The following CALN1 variants were observed in gnomAD, a reference collection of about 807,000 sequenced individuals.
CALN1 encodes the protein calcium-binding protein 8.
In CALN1, 17 loss-of-function variants were observed where a neutral mutation model predicts 30.6. The observed-to-expected ratio is 0.56, with a 90% CI of 0.38 to 0.83. The LOEUF is 0.83. CALN1 is among the 40% of genes least tolerant of loss of function. CALN1 has a pLI of 0.00. For synonymous variants in CALN1, 156 were observed against 131.4 expected (o/e 1.19, Z -1.28); for missense variants, 291 against 354.9 (o/e 0.82, Z 1.45).
At chr7:71,836,614 CTCT>C (rs1562824860) in intron 5 of CALN1, among the ~76,000 whole-genome samples, 4 of 146,140 alleles carry the variant, frequency 2.7e-5, no homozygotes, top group African/African-American at 7.5e-5. Flanking sequence ...CATTATTTCT[CTCT>C]GTCTCTTTTT....
intron 4 of CALN1, among the ~76,000 whole-genome samples, chr7:72,025,752 G>A (rs1322978660): frequency 6.6e-6 from 1 of 152,150 alleles, no homozygotes; most frequent in Non-Finnish European, 1.5e-5. Context: ...CTGCACACAA[G>A]AGTTTGTCCA....
the CALN1 span, among the ~76,000 whole-genome samples, chr7:72,484,625 T>C: frequency 1.3e-5 from 2 of 152,136 alleles, no homozygotes; most frequent in Non-Finnish European, 2.9e-5. Context: ...AGGATTCCTC[T>C]GTGCAGCTTG....
intron 5 of CALN1, among the ~76,000 whole-genome samples, chr7:71,855,834 T>C (rs1323202658): frequency 6.6e-6 from 1 of 152,192 alleles, no homozygotes; most frequent in East Asian, 1.9e-4. Context: ...CAGCTTAAAT[T>C]GGTCAGAGTT....
chr7:71,868,736 C>T (rs930832120), intron 5 of CALN1, among the ~76,000 whole-genome samples: 1 of 151,974 alleles, frequency 6.6e-6, no homozygotes, highest in Non-Finnish European at 1.5e-5. Flanking sequence ...CAGTCACCTC[C>T]CCCCAGGTCC....
intron 5 of CALN1, among the ~76,000 whole-genome samples, chr7:71,817,863 T>G (rs1270311461): frequency 6.6e-6 from 1 of 151,726 alleles, no homozygotes; most frequent in African/African-American, 2.4e-5. Context: ...TATAATCTTT[T>G]TCTATAAACT....
At chr7:71,928,084 G>C (rs1336421806) in intron 5 of CALN1, among the ~76,000 whole-genome samples, 2 of 152,200 alleles carry the variant, frequency 1.3e-5, no homozygotes, top group African/African-American at 4.8e-5. Flanking sequence ...CTTTGCCACA[G>C]AAGTGACACT....
intron 4 of CALN1, among the ~76,000 whole-genome samples, chr7:72,055,292 C>T (rs1803181961): frequency 6.6e-6 from 1 of 152,114 alleles, no homozygotes; most frequent in Non-Finnish European, 1.5e-5. Flanking sequence ...CAGAGTCCAT[C>T]ATTTTAACCA....
chr7:72,488,103 G>T, the CALN1 span, among the ~76,000 whole-genome samples: 1 of 151,962 alleles, frequency 6.6e-6, no homozygotes, highest in South Asian at 2.1e-4. Flanking sequence ...AGGCCAAGGT[G>T]AATCACTTGA....
chr7:71,915,314 G>C (rs1794632174), intron 5 of CALN1, among the ~76,000 whole-genome samples: 3 of 152,208 alleles, frequency 2.0e-5, no homozygotes, highest in African/African-American at 7.2e-5. Context: ...CTTTCGAAAA[G>C]AGGTGAACCA....
chr7:72,464,407 T>C, the CALN1 span, among the ~76,000 whole-genome samples: 1 of 152,222 alleles, frequency 6.6e-6, no homozygotes, highest in South Asian at 2.1e-4. Context: ...GTGTTAATCT[T>C]TTCTTCGATG....
At chr7:72,163,740 C>G (rs955511296) in intron 3 of CALN1, among the ~76,000 whole-genome samples, 8 of 151,876 alleles carry the variant, frequency 5.3e-5, no homozygotes, top group Admixed American at 5.3e-4. Flanking sequence ...ATCTGAAGAA[C>G]AGAAAGAAAA....
intron 5 of CALN1, among the ~76,000 whole-genome samples, chr7:71,936,744 C>T (rs1293230642): frequency 6.6e-6 from 1 of 152,114 alleles, no homozygotes; most frequent in Admixed American, 6.6e-5. Flanking sequence ...GGCTCTGTGT[C>T]CCCACCCAAA....
chr7:71,996,980 A>G (rs1446114098), intron 5 of CALN1, among the ~76,000 whole-genome samples: 1 of 152,214 alleles, frequency 6.6e-6, no homozygotes, highest in Non-Finnish European at 1.5e-5. Context: ...TAATCCCAGT[A>G]CTTTGGGGAG....
At chr7:71,809,323 C>T (rs1450747228) in intron 6 of CALN1, among the ~76,000 whole-genome samples, 3 of 151,908 alleles carry the variant, frequency 2.0e-5, no homozygotes, top group Admixed American at 2.0e-4. Context: ...CTGGGACCAG[C>T]TCAGCTCCAA....
chr7:72,217,678 G>A (rs1475174654), intron 3 of CALN1, among the ~76,000 whole-genome samples: 1 of 151,902 alleles, frequency 6.6e-6, no homozygotes, highest in Admixed American at 6.6e-5. Context: ...CAAACTTGGT[G>A]ACCTTAAATA....
intron 2 of CALN1, among the ~76,000 whole-genome samples, chr7:72,364,946 G>T (rs2129559997): frequency 6.6e-6 from 1 of 151,590 alleles, no homozygotes; most frequent in South Asian, 2.1e-4. Context: ...AAGGCAGGCG[G>T]ATCACCTGAG....
At chr7:71,911,885 T>C (rs1794441417) in intron 5 of CALN1, among the ~76,000 whole-genome samples, 1 of 151,742 alleles carries the variant, frequency 6.6e-6, no homozygotes, top group Non-Finnish European at 1.5e-5. Context: ...CGAAGATGAG[T>C]TTCCATCAGG....
At chr7:72,077,466 G>T (rs570360697) in intron 4 of CALN1, among the ~76,000 whole-genome samples, 67 of 152,146 alleles carry the variant, frequency 4.4e-4, no homozygotes, top group African/African-American at 1.6e-3. Flanking sequence ...TAGAGACAGG[G>T]TTTCTCCATG....
intron 2 of CALN1, among the ~76,000 whole-genome samples, chr7:72,329,259 T>C (rs1801496091): frequency 1.3e-5 from 2 of 152,238 alleles, no homozygotes; most frequent in Non-Finnish European, 2.9e-5. Flanking sequence ...CTCCATCTGT[T>C]ACTGTTAAAC....
Sources: gnomAD v4.1 joint callset for allele counts (sites outside exome capture counted in the v4.1 genomes callset) on GRCh38, gnomAD v4.1.1 for gene constraint, MANE v1.5 for transcripts, NCBI Gene and HGNC (gene_info 2026-07-23, HGNC 2026-07-21) for gene names.